Variants in KCNK4 observed in about 807,000 individuals in gnomAD.
KCNK4 encodes the protein potassium channel subfamily K member 4.
In KCNK4, 22 loss-of-function variants were observed where a neutral mutation model predicts 28.8. That is an observed-to-expected ratio of 0.76 (90% confidence interval 0.55 to 1.09). The LOEUF (loss-of-function observed/expected upper bound fraction) is 1.09. KCNK4 is among the 50% of genes least tolerant of loss of function. KCNK4 has a pLI of 0.00. For missense variants in KCNK4, 483 were observed against 546.3 expected (o/e 0.88, Z 1.15); for synonymous variants, 263 against 252.9 (o/e 1.04, Z -0.38).
At position 64,298,112 on chromosome 11, in the gene KCNK4, G is replaced by A. The variant is rs771503774; in HGVS notation, c.664G>A (p.Ala222Thr). ...TVGFGDYVAG[A>T]DPRQDSPAYQ... ...TACCTTCCCTGGTGGTATCCCAGGC[G>A]CGGACCCCAGGCAGGACTCCCCGGC... The change falls in exon 6 of 7, where the codon GCG (alanine) becomes ACG (threonine). Residue 222 changes from alanine to threonine, a missense_variant and splice_region_variant. Physicochemically the swap from Ala to Thr is moderately conservative, Grantham distance 58 (BLOSUM62 0). Coordinates refer to ENST00000422670, the MANE Select transcript of KCNK4 (RefSeq NM_033310.3). 1.4e-5 allele frequency: 22 copies of A among 1,613,160 alleles called. No individual in the cohort carries two copies. The highest frequency in any genetic ancestry group is 3.3e-5 in the South Asian group (3 of 90,944).
rs1198455342 is a variant in KCNK4, at chr11:64,299,773, C to T, written c.*47C>T. On this transcript the variant is annotated 3_prime_UTR_variant, in exon 7 of 7. Coordinates refer to ENST00000422670, the MANE Select transcript of KCNK4 (RefSeq NM_033310.3). ...CTCTCAAGGGCTTCGTTTCTGCTCTCCCCGGCATGCCTGGCTTGTTTGACC... is the reference window on the plus strand; with the variant it reads ...CTCTCAAGGGCTTCGTTTCTGCTCTTCCCGGCATGCCTGGCTTGTTTGACC... 6.5e-7 allele frequency: 1 copy of T among 1,538,114 alleles called. No homozygotes were observed. The highest frequency in any genetic ancestry group is 2.4e-5 in the East Asian group (1 of 41,120).
Position 64,297,219 on chromosome 11 carries a change from CG to C in KCNK4, c.418del (p.Asp140ThrfsTer19), listed in dbSNP as rs779684615. 4 of 1,613,876 alleles carry C rather than the reference CG, an allele frequency of 2.5e-6. No individual in the cohort carries two copies. Among genetic ancestry groups the C allele is most frequent in the South Asian group, 2.2e-5 (2 of 91,076 alleles). ...TGTTTGGGATCCTACTGGCAGGGGT[CG>C]GGGACCGGCTGGGCTCCTCCCTGCG... ...PLFGILLAGV[G>X]DRLGSSLRHG... On this transcript the variant is annotated frameshift_variant, in exon 4 of 7. Transcript: ENST00000422670. LOFTEE classifies it high-confidence loss of function.
intron 2 of KCNK4, among the ~76,000 whole-genome samples, chr11:64,294,515 C>CA (rs771542870): frequency 0.58 from 53,487 of 92,606 alleles, 17,596 homozygotes; most frequent in Non-Finnish European, 0.7. Context: ...TGATCGGTCT[C>CA]AAAAAAAAAA....
intron 5 of KCNK4, 115 bp downstream of exon 5, chr11:64,297,768 T>C (rs1478203932): frequency 7.5e-6 from 8 of 1,061,730 alleles, no homozygotes; most frequent in Non-Finnish European, 1.1e-5. Flanking sequence ...CCTGCATCCA[T>C]CATGGAATGC....
In KCNK4 at chr11:64,293,039, G is replaced by C; in HGVS notation, c.21G>C (p.Leu7=). The change falls in exon 2 of 7, where the codon CTG becomes CTC. Residue 7 remains leucine, a synonymous_variant. Transcript: ENST00000422670. MRSTTL[L]ALLALVLLYL... is the part of the protein sequence containing the mutation. ...GCGCCATGCGCAGCACCACGCTCCT[G>C]GCCCTGCTGGCGCTGGTCTTGCTTT... The C allele has an allele frequency of 2.6e-6, 4 of 1,547,636 alleles. No homozygotes were observed. Among genetic ancestry groups the C allele is most frequent in the Admixed American group, 2.0e-5 (1 of 50,768 alleles).
chr11:64,295,278 G>A (rs1038296778), intron 2 of KCNK4, among the ~76,000 whole-genome samples: 18 of 152,138 alleles, frequency 1.2e-4, no homozygotes, highest in Admixed American at 1.0e-3. Context: ...TAGGGGCTGG[G>A]GACAAGGATG....
chr11:64,293,057 C>T lies in KCNK4; in HGVS notation c.39C>T (p.Val13=). ...CGCTCCTGGCCCTGCTGGCGCTGGT[C>T]TTGCTTTACTTGGTGTCTGGTGCCC... ...STTLLALLAL[V]LLYLVSGALV... Residue 13 remains valine, a synonymous_variant, in exon 2 of 7, where the codon GTC becomes GTT. Transcript: ENST00000422670. 1 of 1,548,744 alleles carries T rather than the reference C, an allele frequency of 6.5e-7. No homozygotes were observed. Among genetic ancestry groups the T allele is most frequent in the Non-Finnish European group, 8.7e-7 (1 of 1,146,144 alleles).
chr11:64,293,260 A>C (rs1194420052), intron 2 of KCNK4, 53 bp downstream of exon 2: 1 of 1,393,124 alleles, frequency 7.2e-7, no homozygotes, highest in African/African-American at 1.5e-5. Context: ...CCCTGGCGCT[A>C]GCTGTGTGCC....
intron 2 of KCNK4, among the ~76,000 whole-genome samples, chr11:64,296,672 A>G (rs1203336993): frequency 6.6e-6 from 1 of 152,176 alleles, no homozygotes; most frequent in Non-Finnish European, 1.5e-5. Flanking sequence ...TTTCTCAAAC[A>G]TTGTAGAAGT....
At chr11:64,299,247 G>T (rs2034858393) in intron 6 of KCNK4, 99 bp from the exon 7 acceptor site, 3 of 1,137,042 alleles carry the variant, frequency 2.6e-6, no homozygotes, top group African/African-American at 1.6e-5. Flanking sequence ...CAGAAAAGAG[G>T]GTTGGGGTTT....
intron 4 of KCNK4, 37 bp from the exon 5 acceptor site, chr11:64,297,430 G>A: frequency 4.4e-6 from 7 of 1,608,714 alleles, no homozygotes; most frequent in Non-Finnish European, 4.3e-6. Flanking sequence ...GGGATTGTTG[G>A]TGTCTCCTGG....
rs1160402906 is a variant in KCNK4 at position 64,299,446 on chromosome 11, A to G, written c.902A>G (p.Gln301Arg). ...GPAAPPPEKEQPLLPPPPCPA... is the reference protein window; with the variant it reads ...GPAAPPPEKERPLLPPPPCPA... Reference sequence around the variant, plus strand: ...GCCGCCCCGCCGCCGGAGAAGGAGCAGCCACTGCTGCCTCCACCGCCCTGT... The same window carrying G: ...GCCGCCCCGCCGCCGGAGAAGGAGCGGCCACTGCTGCCTCCACCGCCCTGT... Residue 301 changes from glutamine to arginine, a missense_variant, in exon 7 of 7, where the codon CAG becomes CGG. By Grantham distance (43) the Gln-to-Arg change is conservative. Coordinates refer to ENST00000422670, the MANE Select transcript of KCNK4 (RefSeq NM_033310.3). 1.0e-5 allele frequency: 16 copies of G among 1,597,998 alleles called. No individual in the cohort carries two copies. The East Asian group carries it at 3.6e-4, about 36-fold the overall frequency.
In KCNK4 at chr11:64,299,575, T is replaced by A; in HGVS notation, c.1031T>A (p.Leu344Gln). Residue 344 changes from leucine to glutamine, a missense_variant, in exon 7 of 7, where the codon CTG (leucine) becomes CAG (glutamine). Physicochemically the swap from Leu to Gln is moderately radical, Grantham distance 113 (BLOSUM62 -2). Coordinates refer to ENST00000422670, the MANE Select transcript of KCNK4 (RefSeq NM_033310.3). ...GCCCTGGATTATCCCAGCGAGAACC[T>A]GGCCTTCATCGACGAGTCCTCGGAT... ...ASALDYPSENLAFIDESSDTQ... is the reference protein window; with the variant it reads ...ASALDYPSENQAFIDESSDTQ... 6.2e-7 allele frequency: 1 copy of A among 1,609,878 alleles called. No homozygotes were observed. Among genetic ancestry groups the A allele is most frequent in the South Asian group, 1.1e-5 (1 of 90,954 alleles).
intron 2 of KCNK4, among the ~76,000 whole-genome samples, chr11:64,295,315 C>T (rs1227987418): frequency 6.6e-6 from 1 of 152,114 alleles, no homozygotes; most frequent in African/African-American, 2.4e-5. Context: ...GAGGGATGAC[C>T]TGGTGATTGA....
chr11:64,295,016 C>T (rs924131361), intron 2 of KCNK4, among the ~76,000 whole-genome samples: 9 of 152,136 alleles, frequency 5.9e-5, no homozygotes, highest in African/African-American at 1.2e-4. Flanking sequence ...GGGTGACAGC[C>T]GCTTTATTTC....
chr11:64,297,453 G>A lies in KCNK4; in HGVS notation c.475-14G>A. 6.2e-7 allele frequency: 1 copy of A among 1,613,716 alleles called. No homozygotes were observed. ...TGGTGTCTCCTGGGTCCTGCCTACT[G>A]CCCCATCCCGCAGAAGTGGCACGTG... On this transcript the variant is annotated splice_polypyrimidine_tract_variant and intron_variant, in intron 4 of 6. Transcript: ENST00000422670.
chr11:64,299,265 G>A (rs1487335303), intron 6 of KCNK4, 81 bp from the exon 7 acceptor site: 2 of 1,291,664 alleles, frequency 1.5e-6, no homozygotes, highest in East Asian at 5.7e-5. Flanking sequence ...TTTGATCCCT[G>A]CTGGTGAAGG....
chr11:64,294,218 T>C (rs2034710998), intron 2 of KCNK4, among the ~76,000 whole-genome samples: 1 of 151,962 alleles, frequency 6.6e-6, no homozygotes, highest in African/African-American at 2.4e-5. Context: ...ACTCCAACCA[T>C]AGACTCAAGA....
chr11:64,298,759 A>G (rs956521351), intron 6 of KCNK4, among the ~76,000 whole-genome samples: 1 of 152,164 alleles, frequency 6.6e-6, no homozygotes, highest in Non-Finnish European at 1.5e-5. Flanking sequence ...AAATTTTATT[A>G]TGGCGGGGGG....
Sources: gnomAD v4.1 joint callset for allele counts (sites outside exome capture counted in the v4.1 genomes callset) on GRCh38, gnomAD v4.1.1 for gene constraint, MANE v1.5 for transcripts, NCBI Gene and HGNC (gene_info 2026-07-23, HGNC 2026-07-21) for gene names.